WFS1: variants seen among roughly 807,000 people sequenced by gnomAD.
The protein encoded by WFS1 is wolframin.
WFS1 carries 90 observed loss-of-function variants against 68.5 expected under a neutral mutation model. That is an observed-to-expected ratio of 1.31 (90% CI 1.11 to 1.56). The LOEUF is 1.56. Among genes scored for constraint, WFS1 ranks in the 40% most tolerant of loss-of-function variants. The pLI, the probability that WFS1 is intolerant of heterozygous loss-of-function variation, is 0.00. For synonymous variants in WFS1, 860 were observed against 540.7 expected (o/e 1.59, Z -8.19); for missense variants, 1,767 against 1,232.6 (o/e 1.43, Z -6.49).
At chr4:6,288,947 G>C (rs371863415) in intron 3 of WFS1, 40 bp from the exon 4 acceptor site, 2 of 1,598,844 alleles carry the variant, frequency 1.3e-6, no homozygotes, top group Non-Finnish European at 1.7e-6. Flanking sequence ...GGTGGGAGAG[G>C]GTCGGAGAAT....
intron 1 of WFS1, among the ~76,000 whole-genome samples, chr4:6,275,338 G>A (rs142010851): frequency 8.7e-4 from 132 of 152,312 alleles, no homozygotes; most frequent in African/African-American, 3.0e-3. Context: ...CTGCAGGACC[G>A]TGGTTCTGTT....
chr4:6,299,261 C>G (rs946066649), intron 7 of WFS1, among the ~76,000 whole-genome samples: 6 of 152,238 alleles, frequency 3.9e-5, no homozygotes, highest in African/African-American at 7.2e-5. Flanking sequence ...AGGCTGCTCC[C>G]AGCATGCCTC....
At chr4:6,280,824 T>C (rs1730140450) in intron 2 of WFS1, among the ~76,000 whole-genome samples, 1 of 151,524 alleles carries the variant, frequency 6.6e-6, no homozygotes, top group East Asian at 1.9e-4. Flanking sequence ...GGTCTACCAG[T>C]AGGACAAGGC....
chr4:6,270,162 CCGAAGTTGGAGGGCCGGGGGTCCCGCCCG>C (rs1211209278), intron 1 of WFS1, 148 bp downstream of exon 1: 1 of 152,236 alleles, frequency 6.6e-6, no homozygotes, highest in Non-Finnish European at 1.5e-5. Context: ...GACAAGGTCC[CCGAAGTTGGAGGGCCGGGGGTCCCGCCCG>C]CTCTGCAACG....
At position 6,287,408 on chromosome 4, in the gene WFS1, C is replaced by T. The variant is rs1730345955; in HGVS notation, c.315+233C>T. ...CAGCGCTCATCCCCCTTTTGTCCAA[C>T]TCACACCTCATCTTGGGCATCACCT... On this transcript the variant is annotated intron_variant, in intron 3 of 7. Transcript: ENST00000226760. This position sits in a 1 kb window ranked among gnomAD's most constrained non-coding sequence, Gnocchi z 6.4. The T allele has an allele frequency of 5.3e-6, 3 of 563,116 alleles. No individual in the cohort carries two copies. The highest frequency in any genetic ancestry group is 9.6e-6 in the Non-Finnish European group (3 of 311,766). 34.9% of individuals were successfully genotyped at this position (563,116 alleles called of 1,614,324 possible).
At position 6,277,478 on chromosome 4, in the gene WFS1, T is replaced by C; in HGVS notation, c.23T>C (p.Leu8Pro). MDSNTAP[L>P]GPSCPQPPPA... Reference sequence around the variant, plus strand: ...AGGATGGACTCCAACACTGCTCCGCTGGGCCCCTCCTGCCCACAGCCCCCG... The same window carrying C: ...AGGATGGACTCCAACACTGCTCCGCCGGGCCCCTCCTGCCCACAGCCCCCG... The change falls in exon 2 of 8, where the codon CTG (leucine) becomes CCG (proline). Residue 8 changes from leucine to proline, a missense_variant. By Grantham distance (98) the Leu-to-Pro change is moderately conservative (BLOSUM62 -3). Transcript: ENST00000226760. 2 of 1,559,118 alleles carry C rather than the reference T, an allele frequency of 1.3e-6. No homozygotes were observed. The highest frequency in any genetic ancestry group is 1.7e-6 in the Non-Finnish European group (2 of 1,151,596).
rs1005714777 is a variant in WFS1, at chr4:6,291,314, A to G, written c.578A>G (p.Lys193Arg). ...TGGAAGCTCAACCCCAAGAAGAAGA[A>G]GCAGGTGGCCGTGGCGGAGCTGCTG... ...MYWKLNPKKK[K>R]QVAVAELLEN... The change falls in exon 5 of 8, where the codon AAG (lysine) becomes AGG (arginine). Residue 193 changes from lysine to arginine, a missense_variant. Coordinates refer to ENST00000226760, the MANE Select transcript of WFS1 (RefSeq NM_006005.3). 8 of 1,613,344 alleles carry G rather than the reference A, an allele frequency of 5.0e-6. No individual in the cohort carries two copies. Among genetic ancestry groups the G allele is most frequent in the Non-Finnish European group, 6.8e-6 (8 of 1,180,024 alleles).
At chr4:6,294,933 C>G in intron 6 of WFS1, 108 bp from the exon 7 acceptor site, 2 of 1,584,378 alleles carry the variant, frequency 1.3e-6, no homozygotes, top group Non-Finnish European at 1.7e-6. Context: ...CCACTCAGCT[C>G]CTTTCTTAGC....
At chr4:6,281,363 G>A (rs1394249583) in intron 2 of WFS1, among the ~76,000 whole-genome samples, 1 of 152,238 alleles carries the variant, frequency 6.6e-6, no homozygotes, top group Non-Finnish European at 1.5e-5. Context: ...GGTGTCAAGA[G>A]GTCAGCCAGG....
chr4:6,301,974 A>G lies in WFS1; in HGVS notation c.2179A>G (p.Ile727Val). The G allele has an allele frequency of 1.2e-6, 2 of 1,612,792 alleles. No homozygotes were observed. The highest frequency in any genetic ancestry group is 1.7e-6 in the Non-Finnish European group (2 of 1,179,946). The change falls in exon 8 of 8, where the codon ATC becomes GTC. Residue 727 changes from isoleucine to valine, a missense_variant. Transcript: ENST00000226760. ...TGCCATCAACATGCTCCCGTTCTTC[A>G]TCGGCGACTGGATGCGCTGCCTCTA... Reference protein sequence around the residue: ...ESAINMLPFFIGDWMRCLYGE... With the variant: ...ESAINMLPFFVGDWMRCLYGE...
rs779957380 is a variant in WFS1, at chr4:6,302,279, C to A, written c.2484C>A (p.Ile828=). 10 of 1,605,732 alleles carry A rather than the reference C, an allele frequency of 6.2e-6. No homozygotes were observed. In the African/African-American group the frequency reaches 1.2e-4, roughly 19 times the overall value. ...RQGSLIEFST[I]LEGRLGSKWP... The stretch of plus-strand genomic sequence containing the variant: ...GCAGCCTCATCGAGTTCAGCACCAT[C>A]CTGGAGGGCCGCCTGGGCAGCAAGT... Residue 828 remains isoleucine, a synonymous_variant, in exon 8 of 8, where the codon ATC becomes ATA. Transcript: ENST00000226760.
intron 6 of WFS1, 30 bp downstream of exon 6, chr4:6,292,027 A>G (rs1328502142): frequency 6.3e-7 from 1 of 1,577,382 alleles, no homozygotes; most frequent in East Asian, 2.3e-5. Context: ...CGTCTCACCC[A>G]TGCCTCCCAG....
At position 6,302,477 on chromosome 4, in the gene WFS1, C is replaced by T. The variant is rs71537669; in HGVS notation, c.*9C>T. 55 of 1,612,284 alleles carry T rather than the reference C, an allele frequency of 3.4e-5. No individual in the cohort carries two copies. The highest frequency in any genetic ancestry group is 1.4e-4 in the South Asian group (13 of 91,086). On this transcript the variant is annotated 3_prime_UTR_variant, in exon 8 of 8. Coordinates refer to ENST00000226760, the MANE Select transcript of WFS1 (RefSeq NM_006005.3). ...TCCTGTCGGCGGCCTGAGGATGGTC[C>T]GCCACGAGGAGCTTCCAGTGCATGT...
At chr4:6,293,240 C>T (rs994518932) in intron 6 of WFS1, among the ~76,000 whole-genome samples, 20 of 152,270 alleles carry the variant, frequency 1.3e-4, no homozygotes, top group African/African-American at 4.1e-4. Flanking sequence ...TGTGATGAGC[C>T]GGGCACACCT....
intron 3 of WFS1, 194 bp from the exon 4 acceptor site, chr4:6,288,793 G>A (rs73795945): frequency 0.01 from 7,864 of 765,172 alleles, 84 homozygotes; most frequent in African/African-American, 0.03. Context: ...CTTCCTCACC[G>A]TGTTTTGAGG....
intron 7 of WFS1, among the ~76,000 whole-genome samples, chr4:6,300,190 A>T (rs1730825561): frequency 6.6e-6 from 1 of 152,020 alleles, no homozygotes; most frequent in Non-Finnish European, 1.5e-5. Flanking sequence ...CCTCGTAAGG[A>T]TCGCCATTTC....
intron 6 of WFS1, among the ~76,000 whole-genome samples, chr4:6,292,717 C>G (rs142425306): frequency 4.3e-4 from 65 of 152,272 alleles, no homozygotes; most frequent in African/African-American, 1.3e-3. Flanking sequence ...GGGGATGGGC[C>G]AAGACCCAGG....
intron 2 of WFS1, among the ~76,000 whole-genome samples, chr4:6,280,645 C>T (rs1036615177): frequency 2.0e-5 from 3 of 152,182 alleles, no homozygotes; most frequent in Non-Finnish European, 4.4e-5. Context: ...ACTGTGTCAT[C>T]GTCTCAGCTT....
intron 2 of WFS1, among the ~76,000 whole-genome samples, chr4:6,279,356 C>T (rs1730087754): frequency 6.6e-6 from 1 of 152,220 alleles, no homozygotes; most frequent in African/African-American, 2.4e-5. Flanking sequence ...CTTTAACAGC[C>T]CTGGGAGGCA....
Sources: gnomAD v4.1 joint callset for allele counts (sites outside exome capture counted in the v4.1 genomes callset) on GRCh38, gnomAD v4.1.1 for gene constraint, Gnocchi (gnomAD v3.1) non-coding constraint, MANE v1.5 for transcripts, NCBI Gene and HGNC (gene_info 2026-07-23, HGNC 2026-07-21) for gene names.